Variants in SLC24A2 observed in about 807,000 individuals in gnomAD.
SLC24A2 encodes solute carrier family 24 member 2.
In SLC24A2, 36 loss-of-function variants were observed where a neutral mutation model predicts 62.0. That is an observed-to-expected ratio of 0.58 (90% CI 0.44 to 0.77). The LOEUF is 0.77. Ranked by LOEUF, SLC24A2 falls within the 30% of genes least tolerant of loss-of-function variation. The pLI, the probability that SLC24A2 is intolerant of heterozygous loss-of-function variation, is 0.00. For synonymous variants in SLC24A2, 358 were observed against 294.0 expected (o/e 1.22, Z -2.23); for missense variants, 846 against 817.9 (o/e 1.03, Z -0.42).
chr9:19,696,195 AAC>A (rs1295659609), intron 2 of SLC24A2, among the ~76,000 whole-genome samples: 3 of 152,102 alleles, frequency 2.0e-5, no homozygotes, highest in Non-Finnish European at 4.4e-5. Context: ...TCTGAGGTGG[AAC>A]AGTTTCATCG....
chr9:19,897,884 G>C, the SLC24A2 span, among the ~76,000 whole-genome samples: 1,824 of 152,274 alleles, frequency 0.012, 34 homozygotes, highest in African/African-American at 0.039. Flanking sequence ...GCTTTGAACA[G>C]AATTACGCAC....
intron 8 of SLC24A2, among the ~76,000 whole-genome samples, chr9:19,535,841 C>T (rs1833942123): frequency 6.6e-6 from 1 of 152,090 alleles, no homozygotes; most frequent in Admixed American, 6.6e-5. Context: ...TTTTTGGTTC[C>T]ATATGAACTT....
the SLC24A2 span, among the ~76,000 whole-genome samples, chr9:19,873,416 C>T: frequency 7.5e-6 from 1 of 133,854 alleles, no homozygotes; most frequent in Non-Finnish European, 1.6e-5. Context: ...CTCTTTCTTT[C>T]TTTCTCTTTC....
the SLC24A2 span, among the ~76,000 whole-genome samples, chr9:19,953,378 T>G: frequency 5.3e-4 from 81 of 152,184 alleles, no homozygotes; most frequent in Middle Eastern, 3.4e-3. Context: ...TTCAGCTAGA[T>G]ATCATGGCAG....
intron 2 of SLC24A2, among the ~76,000 whole-genome samples, chr9:19,733,108 G>T (rs1219486544): frequency 1.3e-5 from 2 of 150,900 alleles, no homozygotes. Context: ...AACACGCTGG[G>T]CATGTGAGCT....
chr9:20,183,438 T>C, the SLC24A2 span, among the ~76,000 whole-genome samples: 1 of 152,220 alleles, frequency 6.6e-6, no homozygotes, highest in Non-Finnish European at 1.5e-5. Context: ...TACTGGCAAC[T>C]AAACTATATT....
chr9:19,855,345 G>A, the SLC24A2 span, among the ~76,000 whole-genome samples: 3 of 152,092 alleles, frequency 2.0e-5, no homozygotes, highest in African/African-American at 7.2e-5. Context: ...ATGCTAGCTG[G>A]TTATTTTGCA....
chr9:20,293,018 T>G, the SLC24A2 span, among the ~76,000 whole-genome samples: 1 of 152,228 alleles, frequency 6.6e-6, no homozygotes, highest in Non-Finnish European at 1.5e-5. Context: ...TGGCAATCTT[T>G]GGCGTTCCTT....
chr9:20,261,110 C>T, the SLC24A2 span, among the ~76,000 whole-genome samples: 5,315 of 151,944 alleles, frequency 0.035, 125 homozygotes, highest in African/African-American at 0.05. Flanking sequence ...CGCCTCAGCC[C>T]GGGCAGTAAA....
the SLC24A2 span, chr9:19,929,955 A>G: frequency 6.6e-6 from 1 of 152,230 alleles, no homozygotes; most frequent in Non-Finnish European, 1.5e-5. Flanking sequence ...ATAACGATAT[A>G]AAAATATTTT....
chr9:20,132,764 T>G, the SLC24A2 span, among the ~76,000 whole-genome samples: 8 of 152,270 alleles, frequency 5.3e-5, no homozygotes, highest in Non-Finnish European at 8.8e-5. Flanking sequence ...ATGCTAAAAC[T>G]TAGGTTTTCT....
At chr9:20,260,483 T>C in the SLC24A2 span, among the ~76,000 whole-genome samples, 2 of 152,238 alleles carry the variant, frequency 1.3e-5, no homozygotes, top group Admixed American at 6.5e-5. Flanking sequence ...GGGATCTTGG[T>C]TTCTGGGTAG....
the SLC24A2 span, among the ~76,000 whole-genome samples, chr9:20,201,924 T>C: frequency 6.6e-6 from 1 of 152,000 alleles, no homozygotes; most frequent in African/African-American, 2.4e-5. Flanking sequence ...AGCAGTTGAC[T>C]GGAAGAGTAA....
At chr9:20,090,238 C>G in the SLC24A2 span, among the ~76,000 whole-genome samples, 961 of 152,266 alleles carry the variant, frequency 6.3e-3, 5 homozygotes, top group Admixed American at 0.011. Flanking sequence ...GATTGCTGAC[C>G]TGAATCTCTC....
At chr9:19,789,165 C>G (rs1199633116), upstream of SLC24A2, among the ~76,000 whole-genome samples, 4 of 152,242 alleles carry the variant, frequency 2.6e-5, no homozygotes, top group Non-Finnish European at 5.9e-5. Context: ...CTTTGCTCCA[C>G]GCCTCCTGGG....
chr9:19,686,969 A>G (rs561176978), intron 2 of SLC24A2, among the ~76,000 whole-genome samples: 2 of 152,274 alleles, frequency 1.3e-5, no homozygotes, highest in Admixed American at 1.3e-4. Flanking sequence ...AGAATGAGAT[A>G]ATGTCCTTTG....
intron 5 of SLC24A2, among the ~76,000 whole-genome samples, chr9:19,577,737 T>A (rs1836067790): frequency 6.6e-6 from 1 of 151,994 alleles, no homozygotes; most frequent in Admixed American, 6.6e-5. Flanking sequence ...TGGACATGCA[T>A]ATTTATAGCA....
intron 2 of SLC24A2, among the ~76,000 whole-genome samples, chr9:19,668,595 C>T (rs1037959900): frequency 1.4e-4 from 22 of 152,222 alleles, no homozygotes; most frequent in African/African-American, 5.3e-4. Flanking sequence ...TCTGCAGTGG[C>T]GCCATCCATC....
chr9:20,101,082 C>G, the SLC24A2 span, among the ~76,000 whole-genome samples: 1 of 152,218 alleles, frequency 6.6e-6, no homozygotes, highest in Non-Finnish European at 1.5e-5. Flanking sequence ...ATTCCATTAG[C>G]AAGTGGAGTG....
Sources: gnomAD v4.1 joint callset for allele counts (sites outside exome capture counted in the v4.1 genomes callset) on GRCh38, gnomAD v4.1.1 for gene constraint, MANE v1.5 for transcripts, NCBI Gene and HGNC (gene_info 2026-07-23, HGNC 2026-07-21) for gene names.